The following EVI5 variants were observed in gnomAD, a reference collection of about 807,000 sequenced individuals.
EVI5 encodes ecotropic viral integration site 5.
A neutral mutation model predicts 112.0 loss-of-function variants in EVI5; 73 were observed. That is an observed-to-expected ratio of 0.65 (90% CI 0.54 to 0.79). The LOEUF is 0.79. Among genes scored for constraint, EVI5 ranks in the 30% least tolerant of loss-of-function variants. The pLI is 0.00. For synonymous variants in EVI5, 305 were observed against 319.9 expected, an observed-to-expected ratio of 0.95 and a Z score of 0.50; for missense variants, 900 against 968.8, an observed-to-expected ratio of 0.93 and a Z score of 0.94.
intron 18 of EVI5, among the ~76,000 whole-genome samples, chr1:92,593,218 T>C (rs937598050): frequency 7.9e-5 from 12 of 152,236 alleles, no homozygotes; most frequent in South Asian, 4.1e-4. Context: ...AAAGCTTATC[T>C]ACCATGATCA....
intron 1 of EVI5, among the ~76,000 whole-genome samples, chr1:92,783,264 G>A (rs187900314): frequency 2.0e-5 from 3 of 151,866 alleles, no homozygotes; most frequent in Admixed American, 1.3e-4. Context: ...GCTGGCTCAC[G>A]CCTGTAATCC....
At chr1:92,583,717 C>T (rs1344184603) in intron 18 of EVI5, among the ~76,000 whole-genome samples, 2 of 150,014 alleles carry the variant, frequency 1.3e-5, no homozygotes, top group East Asian at 3.9e-4. Flanking sequence ...AGTACCAATG[C>T]CTTCTCTCTC....
At chr1:92,755,968 C>T (rs774766968) in intron 1 of EVI5, 23 of 183,434 alleles carry the variant, frequency 1.3e-4, no homozygotes, top group Admixed American at 7.9e-4. Context: ...TGAGCGATCA[C>T]GTCACGCTCT....
intron 6 of EVI5, among the ~76,000 whole-genome samples, chr1:92,695,768 A>G (rs1199362837): frequency 6.6e-6 from 1 of 152,176 alleles, no homozygotes; most frequent in Non-Finnish European, 1.5e-5. Context: ...TCTTCTATCA[A>G]CTATAATATT....
chr1:92,656,296 T>G (rs932627310), intron 13 of EVI5, among the ~76,000 whole-genome samples: 1 of 152,068 alleles, frequency 6.6e-6, no homozygotes, highest in African/African-American at 2.4e-5. Context: ...CAAATCATCT[T>G]TGGGTCAGCA....
intron 2 of EVI5, among the ~76,000 whole-genome samples, chr1:92,721,294 T>TA (rs1164876220): frequency 6.6e-6 from 1 of 152,160 alleles, no homozygotes; most frequent in Non-Finnish European, 1.5e-5. Context: ...CCATCAATGA[T>TA]AGACTGGATT....
At chr1:92,740,258 C>T (rs564392988) in intron 1 of EVI5, among the ~76,000 whole-genome samples, 9 of 152,230 alleles carry the variant, frequency 5.9e-5, no homozygotes, top group African/African-American at 2.2e-4. Flanking sequence ...AGTACAGGAA[C>T]CAGAGACAAG....
chr1:92,611,234 T>C (rs944227796), intron 16 of EVI5, among the ~76,000 whole-genome samples: 3 of 151,438 alleles, frequency 2.0e-5, no homozygotes, highest in South Asian at 2.1e-4. Flanking sequence ...TAACAAAACT[T>C]AGAATGCTAA....
chr1:92,733,744 T>C (rs1460809329), intron 2 of EVI5, among the ~76,000 whole-genome samples: 1 of 152,144 alleles, frequency 6.6e-6, no homozygotes, highest in Non-Finnish European at 1.5e-5. Context: ...ATTTGAGTGT[T>C]TGTGTTTTAA....
At chr1:92,533,240 G>A (rs1235982032) in intron 19 of EVI5, among the ~76,000 whole-genome samples, 3 of 152,078 alleles carry the variant, frequency 2.0e-5, no homozygotes, top group Admixed American at 6.5e-5. Flanking sequence ...AAAGCAGGAA[G>A]AAGTTGAATC....
chr1:92,628,961 T>C (rs962580008), intron 14 of EVI5, among the ~76,000 whole-genome samples: 1 of 152,216 alleles, frequency 6.6e-6, no homozygotes, highest in Admixed American at 6.5e-5. Context: ...ATAGGAAGCA[T>C]GCTACCTTTC....
chr1:92,790,889 C>G (rs1017165546), intron 1 of EVI5, among the ~76,000 whole-genome samples: 1 of 151,702 alleles, frequency 6.6e-6, no homozygotes, highest in South Asian at 2.1e-4. Context: ...CCACCGTATG[C>G]ATTCTTTAGA....
chr1:92,756,068 A>G (rs925153460), intron 1 of EVI5: 1 of 256,754 alleles, frequency 3.9e-6, no homozygotes, highest in Non-Finnish European at 8.3e-6. Context: ...GCAGTTTCCC[A>G]TCTGCTTCTA....
Position 92,784,982 on chromosome 1 carries a change from G to T in EVI5, c.-228C>A. Reference sequence around the variant, plus strand: ...CCAAAAGCACCACGCTCACTCAGAAGCTCAGGGCCGCCTCGCGACCCTCAC... The same window carrying T: ...CCAAAAGCACCACGCTCACTCAGAATCTCAGGGCCGCCTCGCGACCCTCAC... On this transcript the variant is annotated 5_prime_UTR_variant, in exon 1 of 20. Coordinates refer to ENST00000684568, the MANE Select transcript of EVI5 (RefSeq NM_001350197.2). 1 of 985,536 alleles carries T rather than the reference G, an allele frequency of 1.0e-6. No homozygotes were observed. Among genetic ancestry groups the T allele is most frequent in the Non-Finnish European group, 1.2e-6 (1 of 830,068 alleles). The allele number at this position is 985,536 out of a possible 1,614,324, so 61.0% of individuals were successfully genotyped here. A position where few individuals can be genotyped will look rare whatever the true frequency, so the allele number is the denominator to read the frequency against.
At chr1:92,769,757 G>A (rs1322524361) in intron 1 of EVI5, among the ~76,000 whole-genome samples, 1 of 151,984 alleles carries the variant, frequency 6.6e-6, no homozygotes, top group Non-Finnish European at 1.5e-5. Flanking sequence ...TGTGGTGGTG[G>A]GCATCTGTAC....
At chr1:92,784,519 C>A in intron 1 of EVI5, 1 of 749,988 alleles carries the variant, frequency 1.3e-6, no homozygotes, top group Non-Finnish European at 1.6e-6. Context: ...GTGTCCTCCA[C>A]GGGATTTACG....
At chr1:92,791,920 G>T (rs1686131130) in intron 1 of EVI5, among the ~76,000 whole-genome samples, 1 of 152,198 alleles carries the variant, frequency 6.6e-6, no homozygotes, top group African/African-American at 2.4e-5. Flanking sequence ...TAGAGTTTGT[G>T]AACAAATGCT....
At chr1:92,550,992 G>C (rs1381686309) in intron 19 of EVI5, among the ~76,000 whole-genome samples, 1 of 139,612 alleles carries the variant, frequency 7.2e-6, no homozygotes, top group Non-Finnish European at 1.5e-5. Context: ...TTAAGATTAA[G>C]AACCAGATAA....
At chr1:92,691,362 TTACTTTGAAA>T (rs1346677941) in intron 9 of EVI5, among the ~76,000 whole-genome samples, 1 of 152,032 alleles carries the variant, frequency 6.6e-6, no homozygotes, top group Non-Finnish European at 1.5e-5. Flanking sequence ...TTAACAATAT[TTACTTTGAAA>T]TACTTTGAAA....
Sources: gnomAD v4.1 joint callset for allele counts (sites outside exome capture counted in the v4.1 genomes callset) on GRCh38, gnomAD v4.1.1 for gene constraint, MANE v1.5 for transcripts, NCBI Gene and HGNC (gene_info 2026-07-23, HGNC 2026-07-21) for gene names.